Variants in ST18 observed in about 807,000 individuals in gnomAD.
ST18 encodes the protein ST18 C2H2C-type zinc finger transcription factor, also known as suppression of tumorigenicity 18 protein.
In ST18, 50 loss-of-function variants were observed where a neutral mutation model predicts 110.0. That is an observed-to-expected ratio of 0.45 (90% CI 0.36 to 0.58). The LOEUF is 0.58. Among genes scored for constraint, ST18 ranks in the 20% least tolerant of loss-of-function variants. The pLI is 0.00. For synonymous variants in ST18, 461 were observed against 452.4 expected, an observed-to-expected ratio of 1.02 and a Z score of -0.24; for missense variants, 1,306 against 1,280.1, an observed-to-expected ratio of 1.02 and a Z score of -0.31.
chr8:52,218,872 T>TGGTGGGAGGAAGATC (rs150630533), intron 5 of ST18, among the ~76,000 whole-genome samples: 4,818 of 152,158 alleles, frequency 0.032, 132 homozygotes, highest in Admixed American at 0.069. Flanking sequence ...CTCACAGCAA[T>TGGTGGGAGGAAGATC]GGTGGGAGGA....
chr8:52,223,852 C>G (rs62499761), intron 3 of ST18, among the ~76,000 whole-genome samples: 17,644 of 152,168 alleles, frequency 0.12, 1,382 homozygotes, highest in Middle Eastern at 0.21. Flanking sequence ...CCAAGGGAAC[C>G]AGACCATTCT....
At chr8:52,388,882 G>C (rs1423492214) in intron 2 of ST18, among the ~76,000 whole-genome samples, 1 of 149,922 alleles carries the variant, frequency 6.7e-6, no homozygotes, top group East Asian at 2.0e-4. Context: ...GAGTTAATGG[G>C]TGCAGCACAC....
chr8:52,237,180 C>T (rs948452716), intron 2 of ST18, among the ~76,000 whole-genome samples: 1 of 152,170 alleles, frequency 6.6e-6, no homozygotes, highest in African/African-American at 2.4e-5. Flanking sequence ...AGATCAGTCC[C>T]TAGACAAAGC....
chr8:52,339,327 G>A (rs954562955), intron 2 of ST18, among the ~76,000 whole-genome samples: 7 of 152,280 alleles, frequency 4.6e-5, no homozygotes, highest in Admixed American at 2.6e-4. Context: ...CTTCTCTGAC[G>A]TGTTCCTTCC....
intron 25 of ST18, among the ~76,000 whole-genome samples, chr8:52,113,954 G>T (rs370673079): frequency 3.7e-4 from 17 of 45,432 alleles, no homozygotes; most frequent in South Asian, 1.6e-3. Context: ...TTCATACCGT[G>T]TTTTTTTTTT....
intron 23 of ST18, among the ~76,000 whole-genome samples, chr8:52,121,781 T>G (rs2044919611): frequency 6.6e-6 from 1 of 152,188 alleles, no homozygotes; most frequent in Non-Finnish European, 1.5e-5. Flanking sequence ...ATACTTCTAG[T>G]AGAGTGTTGG....
At chr8:52,133,618 A>C (rs2050707183) in intron 19 of ST18, among the ~76,000 whole-genome samples, 1 of 151,700 alleles carries the variant, frequency 6.6e-6, no homozygotes, top group Non-Finnish European at 1.5e-5. Context: ...CTCATATAGA[A>C]GGGACTTGAA....
chr8:52,200,683 G>C (rs1384363732), intron 8 of ST18, among the ~76,000 whole-genome samples: 1 of 152,164 alleles, frequency 6.6e-6, no homozygotes, highest in Non-Finnish European at 1.5e-5. Context: ...TGGCTTAGGG[G>C]CCTAGTGACA....
chr8:52,326,894 A>G (rs1218071329), intron 2 of ST18, among the ~76,000 whole-genome samples: 3 of 152,154 alleles, frequency 2.0e-5, no homozygotes, highest in African/African-American at 7.2e-5. Flanking sequence ...GCAGCAGCCA[A>G]TTGACAGCCT....
intron 2 of ST18, among the ~76,000 whole-genome samples, chr8:52,296,130 A>T (rs1017732644): frequency 6.6e-6 from 1 of 152,238 alleles, no homozygotes; most frequent in Non-Finnish European, 1.5e-5. Context: ...ATATAAAAAA[A>T]GAAATAGTGC....
chr8:52,123,066 C>A (rs2045612158), intron 23 of ST18, among the ~76,000 whole-genome samples: 1 of 152,084 alleles, frequency 6.6e-6, no homozygotes, highest in Non-Finnish European at 1.5e-5. Flanking sequence ...CTTTCTTATA[C>A]AGATGGCCTA....
At position 52,361,478 on chromosome 8, in the gene ST18, G is replaced by A. The variant is rs115338036; in HGVS notation, c.-465+47850C>T. Among the ~76,000 whole-genome samples the A allele has an allele frequency of 3.8e-3, 571 of 152,256 alleles. 3 individuals are homozygous for A. The highest frequency in any genetic ancestry group is 0.013 in the African/African-American group (544 of 41,546). On this transcript the variant is annotated intron_variant, in intron 2 of 25. Coordinates refer to ENST00000689386, the MANE Select transcript of ST18 (RefSeq NM_001352837.2). ...GACATTCAAAACAAGGGGCCATGTC[G>A]ATCAGTTCACTCATTGCCAATAAGC...
At chr8:52,200,306 C>T (rs2077530211) in intron 8 of ST18, among the ~76,000 whole-genome samples, 1 of 152,162 alleles carries the variant, frequency 6.6e-6, no homozygotes, top group Non-Finnish European at 1.5e-5. Flanking sequence ...GGAATAAGTG[C>T]TTGTAATTGC....
intron 8 of ST18, among the ~76,000 whole-genome samples, chr8:52,210,490 T>A (rs905717257): frequency 1.3e-5 from 2 of 151,930 alleles, no homozygotes; most frequent in African/African-American, 4.8e-5. Flanking sequence ...AGACTCTGTC[T>A]CTACTAAAAA....
At chr8:52,223,426 A>C (rs1455030963) in intron 3 of ST18, among the ~76,000 whole-genome samples, 5 of 152,004 alleles carry the variant, frequency 3.3e-5, no homozygotes, top group Non-Finnish European at 7.4e-5. Flanking sequence ...GGTGGATCAC[A>C]TGAGGCCAGG....
At chr8:52,345,077 C>A (rs938938303) in intron 2 of ST18, among the ~76,000 whole-genome samples, 55 of 152,264 alleles carry the variant, frequency 3.6e-4, no homozygotes, top group African/African-American at 1.3e-3. Flanking sequence ...ATAACATATT[C>A]TTTAATTTCC....
intron 2 of ST18, among the ~76,000 whole-genome samples, chr8:52,298,830 T>C (rs1474480720): frequency 6.6e-6 from 1 of 152,174 alleles, no homozygotes; most frequent in Non-Finnish European, 1.5e-5. Flanking sequence ...TTTTGCTGGG[T>C]TTTTCTCTTG....
At chr8:52,230,918 G>A (rs919936614) in intron 2 of ST18, among the ~76,000 whole-genome samples, 6 of 152,100 alleles carry the variant, frequency 3.9e-5, no homozygotes, top group Non-Finnish European at 5.9e-5. Context: ...TCAAAAGTTT[G>A]CAACTTCTGT....
chr8:52,294,379 T>G (rs780097236), intron 2 of ST18: 1 of 152,230 alleles, frequency 6.6e-6, no homozygotes, highest in African/African-American at 2.4e-5. Flanking sequence ...CTGCCTTGAA[T>G]GTAAATAGGG....
Sources: gnomAD v4.1 joint callset for allele counts (sites outside exome capture counted in the v4.1 genomes callset) on GRCh38, gnomAD v4.1.1 for gene constraint, MANE v1.5 for transcripts, NCBI Gene and HGNC (gene_info 2026-07-23, HGNC 2026-07-21) for gene names.